Variants in PDE1C observed in about 807,000 individuals in gnomAD.
PDE1C encodes the protein dual specificity calcium/calmodulin-dependent 3',5'-cyclic nucleotide phosphodiesterase 1C.
Under a neutral mutation model 93.1 loss-of-function variants are expected in PDE1C, and 62 were observed. The ratio of observed to expected loss-of-function variants is 0.67; its 90% CI spans 0.54 to 0.82. The LOEUF (loss-of-function observed/expected upper bound fraction) is 0.82, where lower values mean the gene tolerates loss of function less well. Ranked by LOEUF, PDE1C falls within the 40% of genes least tolerant of loss-of-function variation. The pLI, the probability that PDE1C is intolerant of heterozygous loss-of-function variation, is 0.00. For missense variants in PDE1C, 742 were observed against 884.6 expected, an observed-to-expected ratio of 0.84 and a Z score of 2.04; for synonymous variants, 325 against 310.1, an observed-to-expected ratio of 1.05 and a Z score of -0.50.
At chr7:32,040,530 C>T (rs968193430) in intron 2 of PDE1C, among the ~76,000 whole-genome samples, 5 of 152,184 alleles carry the variant, frequency 3.3e-5, no homozygotes, top group Admixed American at 1.3e-4. Context: ...TCGAGAACCA[C>T]TGGCTTAGAG....
At chr7:32,214,598 T>C (rs1368375177) in intron 1 of PDE1C, among the ~76,000 whole-genome samples, 1 of 152,192 alleles carries the variant, frequency 6.6e-6, no homozygotes, top group African/African-American at 2.4e-5. Flanking sequence ...GACATGGCTT[T>C]GATTCCTTCA....
At chr7:31,709,179 C>G in the PDE1C span, among the ~76,000 whole-genome samples, 1 of 152,140 alleles carries the variant, frequency 6.6e-6, no homozygotes, top group Non-Finnish European at 1.5e-5. Context: ...ACTTCTGAGG[C>G]TACTCTGAAA....
At chr7:32,298,765 G>A (rs1812790004) in exon 1 of PDE1C, 1 of 1,563,600 alleles carries the variant, frequency 6.4e-7, no homozygotes, top group Non-Finnish European at 8.6e-7. Context: ...GGGCCTCGCA[G>A]CGAGACCAGC....
intron 16 of PDE1C, chr7:31,784,624 A>G (rs1302273783): frequency 6.6e-6 from 1 of 152,190 alleles, no homozygotes; most frequent in Non-Finnish European, 1.5e-5. Flanking sequence ...GGAAAAAAAA[A>G]GGAAAACATA....
Position 31,925,039 on chromosome 7 carries a change from CTGTGTGTGTGTGTGTGTGTGTGTG to C in PDE1C, c.129-44203_129-44180del, listed in dbSNP as rs70989622. On this transcript the variant is annotated intron_variant, in intron 2 of 17. Coordinates refer to ENST00000396191, the MANE Select transcript of PDE1C (RefSeq NM_001191057.4). ...TTGAAGGAGCTAAAAGTAGACATTT[CTGTGTGTGTGTGTGTGTGTGTGTG>C]TGTGTGTGTGTGTGTGTGTGTGTGT... Among the ~76,000 whole-genome samples, 153 of 135,388 alleles carry C rather than the reference CTGTGTGTGTGTGTGTGTGTGTGTG, an allele frequency of 1.1e-3. 1 individual carries two copies. The highest frequency in any genetic ancestry group is 3.4e-3 in the African/African-American group (124 of 36,720). The allele number at this position is 135,388 out of a possible 152,430, so 88.8% of individuals were successfully genotyped here. A position where few individuals can be genotyped will look rare whatever the true frequency, so the allele number is the denominator to read the frequency against.
At chr7:31,812,309 T>C (rs1451434964) in intron 15 of PDE1C, among the ~76,000 whole-genome samples, 3 of 152,150 alleles carry the variant, frequency 2.0e-5, no homozygotes, top group Non-Finnish European at 4.4e-5. Context: ...GGCTTTCCCC[T>C]TAACCAACTT....
At chr7:32,423,921 G>A (rs1785481685) in intron 1 of PDE1C, among the ~76,000 whole-genome samples, 1 of 152,184 alleles carries the variant, frequency 6.6e-6, no homozygotes, top group African/African-American at 2.4e-5. Context: ...AATCAATAAT[G>A]TCAGGATCTC....
chr7:31,941,791 A>G (rs1020919945), intron 2 of PDE1C, among the ~76,000 whole-genome samples: 3 of 152,164 alleles, frequency 2.0e-5, no homozygotes, highest in Non-Finnish European at 4.4e-5. Flanking sequence ...TTCTTAAGAC[A>G]AAGAGTTTGT....
At chr7:31,651,216 G>A in the PDE1C span, 2 of 1,613,490 alleles carry the variant, frequency 1.2e-6, no homozygotes, top group African/African-American at 1.3e-5. Context: ...AAATTGAACA[G>A]CACCTTATGG....
At chr7:32,121,394 T>C (rs1343012397) in intron 3 of PDE1C, among the ~76,000 whole-genome samples, 1 of 151,300 alleles carries the variant, frequency 6.6e-6, no homozygotes, top group Non-Finnish European at 1.5e-5. Context: ...ACCAAGATAC[T>C]CCATGAGAAG....
intron 2 of PDE1C, among the ~76,000 whole-genome samples, chr7:32,015,200 T>C (rs2128597674): frequency 6.6e-6 from 1 of 152,240 alleles, no homozygotes; most frequent in South Asian, 2.1e-4. Context: ...ACCTCTTCCC[T>C]TTATAAATTA....
chr7:31,864,197 C>T (rs916194267), intron 7 of PDE1C, among the ~76,000 whole-genome samples: 7 of 152,024 alleles, frequency 4.6e-5, no homozygotes, highest in Non-Finnish European at 1.0e-4. Flanking sequence ...AAACACAGAA[C>T]ACAGATTCAA....
At position 31,824,909 on chromosome 7, in the gene PDE1C, T is replaced by C; in HGVS notation, c.1364A>G (p.Asp455Gly). 4 of 1,613,290 alleles carry C rather than the reference T, an allele frequency of 2.5e-6. No homozygotes were observed. Among genetic ancestry groups the C allele is most frequent in the Non-Finnish European group, 3.4e-6 (4 of 1,179,482 alleles). Residue 455 changes from aspartate (D) to glycine (G), a missense_variant, in exon 13 of 18, where the codon GAT (aspartate) becomes GGT (glycine). Around this residue, in one of 4 missense-constraint regions of PDE1C, gnomAD observed 454 missense variants for 459.4 expected, o/e 0.99. Transcript: ENST00000396191. ...TGTCCCACCAGTTTGAGAGGTTTCA[T>C]CGATTAATGGACTCACAATCTTCTC... ...MTEKIVSPLIDETSQTGGTGQ... is the reference protein window; with the variant it reads ...MTEKIVSPLIGETSQTGGTGQ...
intron 1 of PDE1C, among the ~76,000 whole-genome samples, chr7:32,348,201 G>A (rs1783890661): frequency 6.6e-6 from 1 of 152,028 alleles, no homozygotes; most frequent in South Asian, 2.1e-4. Context: ...ATAAACATTT[G>A]AATGGGTGGT....
At chr7:31,723,895 C>T in the PDE1C span, among the ~76,000 whole-genome samples, 4 of 152,268 alleles carry the variant, frequency 2.6e-5, no homozygotes, top group Admixed American at 1.3e-4. Flanking sequence ...GAAGCAAGCT[C>T]CTACCACCCT....
At chr7:32,157,752 A>G (rs1402479148) in intron 3 of PDE1C, among the ~76,000 whole-genome samples, 1 of 152,152 alleles carries the variant, frequency 6.6e-6, no homozygotes, top group African/African-American at 2.4e-5. Flanking sequence ...ATTTGGGGGG[A>G]AAAATGGATA....
rs1307200569 is a variant in PDE1C at position 32,349,104 on chromosome 7, C to T, written c.310+78718G>A. On this transcript the variant is annotated intron_variant, in intron 1 of 1. Transcript: ENST00000672256. Reference sequence around the variant, plus strand: ...AAACTCATTCTCCAATGCCAGGGACCCCTTCCAAGTGTCTCCATAGAAGTA... The same window carrying T: ...AAACTCATTCTCCAATGCCAGGGACTCCTTCCAAGTGTCTCCATAGAAGTA... 8.5e-5 allele frequency among the ~76,000 whole-genome samples: 13 copies of T among 152,344 alleles called. 1 individual carries two copies. Among genetic ancestry groups the T allele is most frequent in the Admixed American group, 2.6e-4 (4 of 15,308 alleles).
intron 1 of PDE1C, among the ~76,000 whole-genome samples, chr7:32,253,498 CTGCTTATA>C (rs1428123292): frequency 6.6e-6 from 1 of 152,208 alleles, no homozygotes; most frequent in East Asian, 1.9e-4. Flanking sequence ...GAAAGAGAAT[CTGCTTATA>C]ATAGCCTGTT....
chr7:31,801,291 A>G (rs1012444769), intron 16 of PDE1C, among the ~76,000 whole-genome samples: 8 of 151,344 alleles, frequency 5.3e-5, no homozygotes, highest in Admixed American at 5.3e-4. Context: ...TAACATTATT[A>G]AAAATTCTAC....
Sources: allele counts gnomAD v4.1 joint callset (sites outside exome capture counted in the v4.1 genomes callset), GRCh38; gene constraint gnomAD v4.1.1; regional missense constraint gnomAD v4.1.1; transcripts MANE v1.5; gene names NCBI Gene and HGNC (gene_info 2026-07-23, HGNC 2026-07-21).